Variants in RBM42 observed in about 807,000 individuals in gnomAD.
RBM42 encodes the protein RNA binding motif protein 42.
A neutral mutation model predicts 41.4 loss-of-function variants in RBM42; 21 were observed. The ratio of observed to expected loss-of-function variants is 0.51; its 90% CI spans 0.36 to 0.73. The LOEUF (loss-of-function observed/expected upper bound fraction) is 0.73. Ranked by LOEUF, RBM42 falls within the 30% of genes least tolerant of loss-of-function variation. The probability of loss-of-function intolerance (pLI) is 0.00; values close to 1 mark genes in which losing one functional copy is unlikely to be tolerated. For missense variants in RBM42, 539 were observed against 680.4 expected (o/e 0.79, Z 2.31); for synonymous variants, 272 against 271.2 (o/e 1.00, Z -0.03).
At chr19:35,631,973 C>CG (rs397831433) in intron 4 of RBM42, 2 of 154,598 alleles carry the variant, frequency 1.3e-5, no homozygotes, top group Admixed American at 6.3e-5. Context: ...CCTTCCCCCC[C>CG]AGGCCATTTT....
At chr19:35,632,132 T>C (rs927605403) in intron 4 of RBM42, among the ~76,000 whole-genome samples, 5 of 152,258 alleles carry the variant, frequency 3.3e-5, no homozygotes, top group African/African-American at 9.6e-5. Context: ...GTGCTACTTA[T>C]GTTACCTAAA....
chr19:35,633,997 C>T lies in RBM42; in HGVS notation c.995C>T (p.Pro332Leu). ...PRPRPPRPEP[P>L]PGLMALEVPE... is the part of the protein sequence containing the mutation. ...CCCCGGCCCCCTCGGCCAGAGCCACCCCCAGGCCTCATGGCTCTTGAGGTA... is the reference window on the plus strand; with the variant it reads ...CCCCGGCCCCCTCGGCCAGAGCCACTCCCAGGCCTCATGGCTCTTGAGGTA... The change falls in exon 7 of 10, where the codon CCC becomes CTC. Residue 332 changes from proline (P) to leucine (L), a missense_variant. Transcript: ENST00000262633. 3.3e-6 allele frequency: 5 copies of T among 1,523,282 alleles called. No individual in the cohort carries two copies. The highest frequency in any genetic ancestry group is 3.5e-6 in the Non-Finnish European group (4 of 1,140,818). The allele number at this position is 1,523,282 out of a possible 1,614,324, so 94.4% of individuals were successfully genotyped here. A position where few individuals can be genotyped will look rare whatever the true frequency, so the allele number is the denominator to read the frequency against.
intron 8 of RBM42, among the ~76,000 whole-genome samples, chr19:35,635,756 G>A (rs958479094): frequency 2.6e-5 from 4 of 152,154 alleles, no homozygotes; most frequent in Non-Finnish European, 4.4e-5. Flanking sequence ...TCCTGACCTT[G>A]TGATCCGCCT....
At position 35,637,177 on chromosome 19, in the gene RBM42, TG is replaced by T; in HGVS notation, c.1159del (p.Asp387IlefsTer6). 1 of 1,613,836 alleles carries T rather than the reference TG, an allele frequency of 6.2e-7. No individual in the cohort carries two copies. ...WDADDFRIFCGDLGNEVNDDI... is the reference protein window; with the variant it reads ...WDADDFRIFCXDLGNEVNDDI... ...CCCCAGATGACTTCCGGATCTTCTG[TG>T]GGGATCTGGGCAATGAGGTGAACGA... On this transcript the variant is annotated frameshift_variant, in exon 9 of 10. Transcript: ENST00000262633. LOFTEE classifies it high-confidence loss of function. This position sits in a 1 kb window ranked among gnomAD's most constrained non-coding sequence, Gnocchi z 7.0.
chr19:35,635,460 T>C (rs1051252405), intron 8 of RBM42, among the ~76,000 whole-genome samples: 1 of 152,030 alleles, frequency 6.6e-6, no homozygotes, highest in Non-Finnish European at 1.5e-5. Flanking sequence ...GAACTATTAA[T>C]GTTTTTGCCC....
chr19:35,634,057 C>T (rs909527930), intron 7 of RBM42, 38 bp downstream of exon 7: 27 of 1,467,014 alleles, frequency 1.8e-5, no homozygotes, highest in East Asian at 1.5e-4. Flanking sequence ...ACAGAAGGGA[C>T]GGGGGGCAGA....
Position 35,633,216 on chromosome 19 carries a change from C to T in RBM42, c.648C>T (p.Pro216=). The part of the protein sequence containing the change: ...MLPPMARAPG[P]PLGSMAALRP... ...CACCAATGGCTCGGGCTCCAGGGCC[C>T]CCGCTGGGCTCCATGGCTGCACTGA... The change falls in exon 6 of 10, where the codon CCC becomes CCT. Residue 216 remains proline (P), a synonymous_variant. Transcript: ENST00000262633. 6.2e-7 allele frequency: 1 copy of T among 1,607,802 alleles called. No individual in the cohort carries two copies. Among genetic ancestry groups the T allele is most frequent in the Non-Finnish European group, 8.5e-7 (1 of 1,176,848 alleles).
At chr19:35,634,503 G>A in intron 8 of RBM42, 130 bp downstream of exon 8, 5 of 634,394 alleles carry the variant, frequency 7.9e-6, no homozygotes, top group South Asian at 7.7e-5. Flanking sequence ...ACCTTGGGGA[G>A]GGGAGGCTAT....
Position 35,633,958 on chromosome 19 carries a change from C to A in RBM42, c.956C>A (p.Ser319Tyr). 6.4e-7 allele frequency: 1 copy of A among 1,563,084 alleles called. No individual in the cohort carries two copies. The highest frequency in any genetic ancestry group is 2.3e-5 in the East Asian group (1 of 43,988). Residue 319 changes from serine to tyrosine, a missense_variant, in exon 7 of 10, where the codon TCC becomes TAC. Physicochemically the swap from Ser to Tyr is moderately radical, Grantham distance 144. Transcript: ENST00000262633. ...CCGCTGCGCATTCCTGAACTCCTGT[C>A]CCTGCGTCCTCGGCCCCGGCCCCCT... ...LPPLRIPELL[S>Y]LRPRPRPPRP...
rs371589146 is a variant in RBM42, at chr19:35,629,231, G to A, written c.78G>A (p.Pro26=). 1.3e-6 allele frequency: 2 copies of A among 1,537,410 alleles called. No homozygotes were observed. The highest frequency in any genetic ancestry group is 2.5e-5 in the East Asian group (1 of 40,796). The change falls in exon 1 of 10, where the codon CCG becomes CCA. Residue 26 remains proline, a synonymous_variant. Transcript: ENST00000262633. ...TCCCGGGTCCTGGCGCTGGCATCCC[G>A]GGCAAAAGCGGCGAGGAACGCTTGA... ...PVVPGPGAGI[P]GKSGEERLKE... is the part of the protein sequence containing the mutation.
rs749248343 is a variant in RBM42, at chr19:35,637,386, G to A, written c.1330+34G>A. 21 of 1,613,208 alleles carry A rather than the reference G, an allele frequency of 1.3e-5. 1 individual carries two copies. In the East Asian group the frequency reaches 3.6e-4, roughly 27 times the overall value. ...GGCCTCCCCTGGGAACTGCAGGCGC[G>A]GCAGGCGCTGGCCTAAGCCTGACCC... On this transcript the variant is annotated intron_variant, in intron 9 of 9. Transcript: ENST00000262633. This position sits in a 1 kb window ranked among gnomAD's most constrained non-coding sequence, Gnocchi z 7.0.
intron 8 of RBM42, among the ~76,000 whole-genome samples, chr19:35,634,750 C>A (rs1241299751): frequency 6.6e-6 from 1 of 151,300 alleles, no homozygotes; most frequent in Non-Finnish European, 1.5e-5. Context: ...CCTCCGCCCC[C>A]CAGGTTCAAG....
intron 1 of RBM42, 83 bp from the exon 2 acceptor site, chr19:35,629,437 G>A: frequency 1.3e-6 from 2 of 1,573,752 alleles, no homozygotes; most frequent in South Asian, 2.3e-5. Flanking sequence ...AGGTTGGCAG[G>A]GGTGAGGGTC....
intron 2 of RBM42, among the ~76,000 whole-genome samples, chr19:35,629,906 C>G (rs867324174): frequency 9.9e-5 from 15 of 152,140 alleles, no homozygotes; most frequent in African/African-American, 3.4e-4. Context: ...CGAGACTGTT[C>G]TGATATATTT....
intron 1 of RBM42, 75 bp from the exon 2 acceptor site, chr19:35,629,445 G>A (rs1967365874): frequency 9.5e-6 from 15 of 1,580,998 alleles, no homozygotes; most frequent in Admixed American, 1.7e-5. Flanking sequence ...AGGGGTGAGG[G>A]TCCCCTCGCG....
chr19:35,634,840 A>C (rs1013708782), intron 8 of RBM42, among the ~76,000 whole-genome samples: 2 of 151,494 alleles, frequency 1.3e-5, no homozygotes, highest in African/African-American at 4.8e-5. Context: ...AATTTTAAAC[A>C]CAGATGGCAC....
intron 1 of RBM42, 94 bp downstream of exon 1, chr19:35,629,375 T>C: frequency 1.3e-6 from 2 of 1,511,716 alleles, no homozygotes; most frequent in Non-Finnish European, 1.8e-6. Context: ...GAGATACGGC[T>C]CTAACATGGG....
At chr19:35,634,434 CT>C in intron 8 of RBM42, 61 bp downstream of exon 8, 1 of 1,247,734 alleles carries the variant, frequency 8.0e-7, no homozygotes, top group Non-Finnish European at 1.2e-6. Context: ...GGCTGCTGTC[CT>C]TGGGCTGCAG....
intron 4 of RBM42, among the ~76,000 whole-genome samples, chr19:35,632,550 G>C (rs943399031): frequency 6.6e-6 from 1 of 152,196 alleles, no homozygotes; most frequent in Non-Finnish European, 1.5e-5. Flanking sequence ...CCCTGGGCCT[G>C]GCTGGGTCAG....
Sources: allele counts gnomAD v4.1 joint callset (sites outside exome capture counted in the v4.1 genomes callset), GRCh38; gene constraint gnomAD v4.1.1; non-coding constraint Gnocchi (gnomAD v3.1); transcripts MANE v1.5; gene names NCBI Gene and HGNC (gene_info 2026-07-23, HGNC 2026-07-21).